The following RAB38 variants were observed in gnomAD, a reference collection of about 807,000 sequenced individuals.
RAB38 encodes the protein ras-related protein Rab-38.
A neutral mutation model predicts 18.4 loss-of-function variants in RAB38; 15 were observed. That is an observed-to-expected ratio of 0.82 (90% CI 0.55 to 1.26). The LOEUF (loss-of-function observed/expected upper bound fraction) is 1.26. Among genes scored for constraint, RAB38 ranks in the 50% most tolerant of loss-of-function variants. The probability of loss-of-function intolerance (pLI) is 0.00; values close to 1 mark genes in which losing one functional copy is unlikely to be tolerated. For synonymous variants in RAB38, 101 were observed against 104.4 expected, an observed-to-expected ratio of 0.97 and a Z score of 0.20; for missense variants, 294 against 267.4, an observed-to-expected ratio of 1.10 and a Z score of -0.69.
chr11:87,864,367 C>T, the RAB38 span, among the ~76,000 whole-genome samples: 1 of 150,476 alleles, frequency 6.6e-6, no homozygotes, highest in African/African-American at 2.4e-5. Flanking sequence ...TGATACAATT[C>T]TCCCTCTACT....
the RAB38 span, among the ~76,000 whole-genome samples, chr11:87,904,330 G>C: frequency 3.3e-5 from 5 of 151,778 alleles, no homozygotes; most frequent in African/African-American, 1.2e-4. Context: ...CTTAAAGTGA[G>C]AGCATGTGGT....
the RAB38 span, among the ~76,000 whole-genome samples, chr11:88,044,337 G>A: frequency 2.0e-5 from 3 of 151,876 alleles, no homozygotes; most frequent in African/African-American, 7.3e-5. Context: ...TTTCCTGGGG[G>A]GCAAGCACCC....
the RAB38 span, among the ~76,000 whole-genome samples, chr11:87,924,896 G>A: frequency 5.3e-5 from 8 of 151,914 alleles, no homozygotes; most frequent in South Asian, 2.1e-4. Context: ...GTGTGAGTGC[G>A]CATGTGCAAA....
intron 2 of RAB38, among the ~76,000 whole-genome samples, chr11:88,135,741 C>T (rs989278893): frequency 1.3e-5 from 2 of 152,148 alleles, no homozygotes; most frequent in African/African-American, 2.4e-5. Flanking sequence ...GAGACTCATC[C>T]AGGAAGAGCT....
chr11:88,114,532 A>C (rs1287984304), intron 2 of RAB38, among the ~76,000 whole-genome samples: 1 of 152,226 alleles, frequency 6.6e-6, no homozygotes, highest in Non-Finnish European at 1.5e-5. Flanking sequence ...CCTTGATATA[A>C]AATAAGAATG....
In RAB38 at chr11:88,117,732, T is replaced by G. The variant is rs56826953; in HGVS notation, c.484-3592A>C. ...GTTGCATGACCTCAGAAAAATTACT[T>G]TAACCACTTCATGCTTCAGTTTCCT... On this transcript the variant is annotated intron_variant, in intron 2 of 2. Transcript: ENST00000243662. Among the ~76,000 whole-genome samples, 1,391 of 152,322 alleles carry G rather than the reference T, an allele frequency of 9.1e-3. 22 individuals carry two copies. Among genetic ancestry groups the G allele is most frequent in the African/African-American group, 0.032 (1,318 of 41,566 alleles).
the RAB38 span, among the ~76,000 whole-genome samples, chr11:87,892,741 T>G: frequency 1.3e-5 from 2 of 151,818 alleles, no homozygotes; most frequent in African/African-American, 4.8e-5. Context: ...TACCCAGTCT[T>G]TAAGATTCCG....
At chr11:88,118,977 A>C (rs1166270998) in intron 2 of RAB38, among the ~76,000 whole-genome samples, 1 of 152,280 alleles carries the variant, frequency 6.6e-6, no homozygotes, top group East Asian at 1.9e-4. Context: ...AGAGCAGAAC[A>C]TTATCTTAGC....
chr11:87,886,756 T>C, the RAB38 span, among the ~76,000 whole-genome samples: 1 of 151,626 alleles, frequency 6.6e-6, no homozygotes, highest in Admixed American at 6.6e-5. Flanking sequence ...AAAGATGAGC[T>C]GATTATCCAA....
At chr11:88,003,987 G>A in the RAB38 span, among the ~76,000 whole-genome samples, 2 of 114,036 alleles carry the variant, frequency 1.8e-5, no homozygotes, top group Non-Finnish European at 1.8e-5. Flanking sequence ...ATGCATATAG[G>A]TATATATATA....
the RAB38 span, among the ~76,000 whole-genome samples, chr11:87,931,644 T>A: frequency 9.9e-5 from 15 of 152,250 alleles, no homozygotes; most frequent in South Asian, 3.1e-3. Context: ...CCAAGCAAAT[T>A]ATATTTGGAT....
chr11:88,022,517 G>A, the RAB38 span, among the ~76,000 whole-genome samples: 2 of 134,548 alleles, frequency 1.5e-5, no homozygotes, highest in East Asian at 4.9e-4. Flanking sequence ...ACAAGAAGAA[G>A]AAATAAACGG....
the RAB38 span, among the ~76,000 whole-genome samples, chr11:88,078,936 C>T: frequency 6.6e-6 from 1 of 151,956 alleles, no homozygotes; most frequent in East Asian, 1.9e-4. Flanking sequence ...TTCATAGTTA[C>T]ATTGATTTTA....
chr11:88,068,696 C>A, the RAB38 span, among the ~76,000 whole-genome samples: 2 of 152,244 alleles, frequency 1.3e-5, no homozygotes, highest in African/African-American at 4.8e-5. Flanking sequence ...TCAACTTTCT[C>A]AGTCAGGCTG....
chr11:87,808,932 T>C, the RAB38 span, among the ~76,000 whole-genome samples: 1 of 152,110 alleles, frequency 6.6e-6, no homozygotes, highest in African/African-American at 2.4e-5. Context: ...TAAACATGCA[T>C]GTTAAAAAGT....
At chr11:88,078,071 A>C in the RAB38 span, among the ~76,000 whole-genome samples, 1 of 152,130 alleles carries the variant, frequency 6.6e-6, no homozygotes, top group Non-Finnish European at 1.5e-5. Context: ...ATATTAAAAA[A>C]TCCTCAACAT....
At chr11:88,096,402 C>G in the RAB38 span, among the ~76,000 whole-genome samples, 1 of 151,982 alleles carries the variant, frequency 6.6e-6, no homozygotes, top group South Asian at 2.1e-4. Context: ...ATAGAAGATT[C>G]CTTTGGCTAT....
At chr11:88,055,530 A>T in the RAB38 span, among the ~76,000 whole-genome samples, 1 of 152,232 alleles carries the variant, frequency 6.6e-6, no homozygotes, top group South Asian at 2.1e-4. Flanking sequence ...AGAGAAAATC[A>T]ATCACATATT....
intron 1 of RAB38, among the ~76,000 whole-genome samples, chr11:88,169,280 C>A (rs1040075057): frequency 1.3e-5 from 2 of 152,188 alleles, no homozygotes; most frequent in Non-Finnish European, 2.9e-5. Flanking sequence ...TTTAGACTTA[C>A]AAATAGCATC....
Sources: gnomAD v4.1 joint callset for allele counts (sites outside exome capture counted in the v4.1 genomes callset) on GRCh38, gnomAD v4.1.1 for gene constraint, MANE v1.5 for transcripts, NCBI Gene and HGNC (gene_info 2026-07-23, HGNC 2026-07-21) for gene names.